NUDT9: variants seen among roughly 807,000 people sequenced by gnomAD.
NUDT9 encodes the protein nudix hydrolase 9, also known as ADP-ribose pyrophosphatase.
Under a neutral mutation model 41.0 loss-of-function variants are expected in NUDT9, and 31 were observed. The observed-to-expected ratio is 0.76, with a 90% CI of 0.57 to 1.02. The LOEUF is 1.02. NUDT9 is among the 50% of genes least tolerant of loss of function. The pLI, the probability that NUDT9 is intolerant of heterozygous loss-of-function variation, is 0.00. For synonymous variants in NUDT9, 146 were observed against 147.6 expected, an observed-to-expected ratio of 0.99 and a Z score of 0.08; for missense variants, 380 against 431.4, an observed-to-expected ratio of 0.88 and a Z score of 1.06.
At chr4:87,430,260 C>A (rs975148323) in intron 1 of NUDT9, among the ~76,000 whole-genome samples, 1 of 152,180 alleles carries the variant, frequency 6.6e-6, no homozygotes, top group Admixed American at 6.5e-5. Context: ...TCTCTTGAGC[C>A]TCCAGAGAGG....
intron 2 of NUDT9, among the ~76,000 whole-genome samples, chr4:87,436,049 A>T (rs56074145): frequency 0.02 from 3,008 of 152,284 alleles, 105 homozygotes; most frequent in African/African-American, 0.068. Context: ...GCTGGAGTAC[A>T]GTGATGTGAT....
At chr4:87,440,845 CA>C (rs11408760) in intron 3 of NUDT9, among the ~76,000 whole-genome samples, 7 of 147,990 alleles carry the variant, frequency 4.7e-5, no homozygotes, top group African/African-American at 1.0e-4. Context: ...GACTCTGTCT[CA>C]AAAAAAAAAT....
chr4:87,452,880 C>T (rs529205512), intron 6 of NUDT9, among the ~76,000 whole-genome samples: 12 of 142,204 alleles, frequency 8.4e-5, no homozygotes, highest in South Asian at 6.9e-4. Context: ...GGCGCGATCT[C>T]GGCTCACTGC....
intron 2 of NUDT9, among the ~76,000 whole-genome samples, chr4:87,435,892 A>C (rs1721909487): frequency 6.6e-6 from 1 of 152,350 alleles, no homozygotes; most frequent in South Asian, 2.1e-4. Context: ...TGATTACAAC[A>C]ATCAAGCCAT....
chr4:87,450,652 C>T (rs1722672112), intron 5 of NUDT9, among the ~76,000 whole-genome samples: 6 of 152,182 alleles, frequency 3.9e-5, no homozygotes, highest in Admixed American at 3.9e-4. Context: ...GCTGGGATTA[C>T]AGGCATGAGC....
At chr4:87,430,603 A>G (rs1053495159) in intron 1 of NUDT9, among the ~76,000 whole-genome samples, 3 of 151,816 alleles carry the variant, frequency 2.0e-5, no homozygotes. Context: ...TATTTTCTGT[A>G]TTGTTTTTTT....
chr4:87,434,788 T>G (rs1721843239), intron 1 of NUDT9, among the ~76,000 whole-genome samples, 193 bp from the exon 2 acceptor site: 1 of 151,980 alleles, frequency 6.6e-6, no homozygotes, highest in Non-Finnish European at 1.5e-5. Flanking sequence ...TGCCACTAAT[T>G]TTGTATTTTT....
intron 4 of NUDT9, among the ~76,000 whole-genome samples, chr4:87,444,708 A>G (rs1027837481): frequency 1.3e-5 from 2 of 152,172 alleles, no homozygotes; most frequent in African/African-American, 4.8e-5. Context: ...ATCTTTATCT[A>G]TGGTGGACCC....
At position 87,423,008 on chromosome 4, in the gene NUDT9, T is replaced by G. The variant is rs1177001663; in HGVS notation, c.103T>G (p.Phe35Val). 15 of 1,612,224 alleles carry G rather than the reference T, an allele frequency of 9.3e-6. No homozygotes were observed. The highest frequency in any genetic ancestry group is 1.3e-5 in the Non-Finnish European group (15 of 1,179,028). ...CTCGCGCTGCCGCGGCATCCAGGCG[T>G]TCAGGTATTCCACCCTCCTACTACC... ...RSSRCRGIQA[F>V]RNSFSSSWFH... The change falls in exon 1 of 8, where the codon TTC becomes GTC. Residue 35 changes from phenylalanine (F) to valine (V), a missense_variant. Transcript: ENST00000302174.
In NUDT9 at chr4:87,434,969, T is replaced by G. The variant is rs1221059228; in HGVS notation, c.108-12T>G. ...GGTATTTATGTAAAATGTTTTTCTT[T>G]TTCTCCCCCAGAAACTCGTTTTCAT... On this transcript the variant is annotated splice_polypyrimidine_tract_variant and intron_variant, in intron 1 of 7. Transcript: ENST00000302174. 2 of 1,595,656 alleles carry G rather than the reference T, an allele frequency of 1.3e-6. No homozygotes were observed. Among genetic ancestry groups the G allele is most frequent in the Non-Finnish European group, 1.7e-6 (2 of 1,173,116 alleles).
At chr4:87,435,743 A>G (rs1386823872) in intron 2 of NUDT9, among the ~76,000 whole-genome samples, 2 of 152,224 alleles carry the variant, frequency 1.3e-5, no homozygotes, top group Non-Finnish European at 2.9e-5. Context: ...CACTAAATTC[A>G]TAGAAGTGCC....
rs1028659010 is a variant in NUDT9 at position 87,422,838 on chromosome 4, G to C, written c.-68G>C. On this transcript the variant is annotated 5_prime_UTR_variant, in exon 1 of 8. Transcript: ENST00000302174. ...ACCCGCGGCCGGGACTCGGAGCTGTGGGGTGTGGGGAGGCGGAGGCACCAA... is the reference window on the plus strand; with the variant it reads ...ACCCGCGGCCGGGACTCGGAGCTGTCGGGTGTGGGGAGGCGGAGGCACCAA... 2 of 1,242,600 alleles carry C rather than the reference G, an allele frequency of 1.6e-6. No homozygotes were observed. Among genetic ancestry groups the C allele is most frequent in the Non-Finnish European group, 1.2e-6 (1 of 869,534 alleles). The allele number at this position is 1,242,600 out of a possible 1,614,324, so 77.0% of individuals were successfully genotyped here. A position where few individuals can be genotyped will look rare whatever the true frequency, so the allele number is the denominator to read the frequency against.
rs566682403 is a variant in NUDT9 at position 87,428,337 on chromosome 4, A to G, written c.107+5325A>G. ...CCAACTGACAGTTTGTCAGTTTCTTACAGAACTCAACACTTATAATTCAGC... is the reference window on the plus strand; with the variant it reads ...CCAACTGACAGTTTGTCAGTTTCTTGCAGAACTCAACACTTATAATTCAGC... On this transcript the variant is annotated intron_variant, in intron 1 of 7. Transcript: ENST00000302174. 6.0e-4 allele frequency among the ~76,000 whole-genome samples: 92 copies of G among 152,302 alleles called. 3 individuals are homozygous for G. The South Asian group carries it at 0.019, about 31-fold the overall frequency.
intron 3 of NUDT9, among the ~76,000 whole-genome samples, chr4:87,440,107 T>C (rs775535144): frequency 3.5e-4 from 53 of 152,328 alleles, no homozygotes; most frequent in Non-Finnish European, 5.6e-4. Context: ...TAGGTTCTTT[T>C]ATAGATACAA....
intron 4 of NUDT9, among the ~76,000 whole-genome samples, chr4:87,448,223 C>T (rs13115687): frequency 0.34 from 49,659 of 146,288 alleles, 8,758 homozygotes; most frequent in East Asian, 0.47. Flanking sequence ...TTGCTCACTG[C>T]AGCCTCTGCC....
At chr4:87,437,629 A>G (rs1489196745) in intron 2 of NUDT9, among the ~76,000 whole-genome samples, 2 of 152,070 alleles carry the variant, frequency 1.3e-5, no homozygotes, top group Admixed American at 1.3e-4. Flanking sequence ...GGCGTGAGCC[A>G]CCATGCCTGG....
At position 87,458,561 on chromosome 4, in the gene NUDT9, A is replaced by G. The variant is rs977914196; in HGVS notation, c.*540A>G. On this transcript the variant is annotated 3_prime_UTR_variant, in exon 8 of 8. Coordinates refer to ENST00000302174, the MANE Select transcript of NUDT9 (RefSeq NM_024047.5). ...GAAGCTAATTTTGAAAATGGAAACT[A>G]TGTTTTCTTGACTTTAGAAGCATTA... 3.9e-5 allele frequency: 6 copies of G among 152,194 alleles called. No individual in the cohort carries two copies. The highest frequency in any genetic ancestry group is 1.4e-4 in the African/African-American group (6 of 41,450). 9.4% of individuals were successfully genotyped at this position (152,194 alleles called of 1,614,324 possible).
intron 3 of NUDT9, among the ~76,000 whole-genome samples, chr4:87,440,570 G>T (rs1189598896): frequency 2.0e-5 from 3 of 152,100 alleles, no homozygotes; most frequent in Admixed American, 2.0e-4. Context: ...GTTGCAGGCC[G>T]GGCATGGTGG....
At chr4:87,433,041 T>G (rs1383229588) in intron 1 of NUDT9, among the ~76,000 whole-genome samples, 2 of 152,182 alleles carry the variant, frequency 1.3e-5, no homozygotes, top group African/African-American at 4.8e-5. Flanking sequence ...TACTTCCTCT[T>G]CACGTTTTTG....
Sources: gnomAD v4.1 joint callset for allele counts (sites outside exome capture counted in the v4.1 genomes callset) on GRCh38, gnomAD v4.1.1 for gene constraint, MANE v1.5 for transcripts, NCBI Gene and HGNC (gene_info 2026-07-23, HGNC 2026-07-21) for gene names.